Variants in TSGA10 observed in about 807,000 individuals in gnomAD.
The protein encoded by TSGA10 is testis specific 10.
A neutral mutation model predicts 96.6 loss-of-function variants in TSGA10; 43 were observed. The ratio of observed to expected loss-of-function variants is 0.44; its 90% CI spans 0.35 to 0.57. The LOEUF is 0.57. Ranked by LOEUF, TSGA10 falls within the 20% of genes least tolerant of loss-of-function variation. TSGA10 has a pLI of 0.01. For synonymous variants in TSGA10, 229 were observed against 269.9 expected, an observed-to-expected ratio of 0.85 and a Z score of 1.48; for missense variants, 703 against 834.4, an observed-to-expected ratio of 0.84 and a Z score of 1.94.
At position 99,108,909 on chromosome 2, in the gene TSGA10, C is replaced by A. The variant is rs762222595; in HGVS notation, c.134G>T (p.Arg45Leu). The A allele has an allele frequency of 2.5e-6, 4 of 1,607,410 alleles. No individual in the cohort carries two copies. In the East Asian group the frequency reaches 6.7e-5, roughly 27 times the overall value. Residue 45 changes from arginine to leucine, a missense_variant, in exon 7 of 21, where the codon CGC becomes CTC. Physicochemically the swap from Arg to Leu is moderately radical, Grantham distance 102. Transcript: ENST00000393483. Reference protein sequence around the residue: ...ELKCMLEKYERHLAEIQGNVK... With the variant: ...ELKCMLEKYELHLAEIQGNVK... Reference sequence around the variant, plus strand: ...ATTACCCTGAATTTCTGCCAAATGGCGCTCATATTTTTCCAGCATGCATTT... The same window carrying A: ...ATTACCCTGAATTTCTGCCAAATGGAGCTCATATTTTTCCAGCATGCATTT...
chr2:99,047,832 A>T (rs1183074034), intron 16 of TSGA10, among the ~76,000 whole-genome samples: 2 of 152,222 alleles, frequency 1.3e-5, no homozygotes, highest in East Asian at 3.9e-4. Context: ...CCATTGTCTC[A>T]GCCCAAAATC....
At chr2:99,141,239 T>C (rs1007596810) in intron 1 of TSGA10, 5 of 965,528 alleles carry the variant, frequency 5.2e-6, no homozygotes, top group South Asian at 3.6e-5. Context: ...CAAATCGTCC[T>C]GGCCCCGCCC....
At chr2:99,120,098 C>T (rs2092492458) in intron 2 of TSGA10, among the ~76,000 whole-genome samples, 1 of 152,014 alleles carries the variant, frequency 6.6e-6, no homozygotes, top group South Asian at 2.1e-4. Flanking sequence ...TTTCCCTGTC[C>T]CTTCTACTAG....
At chr2:99,124,373 C>T (rs1435512202) in intron 2 of TSGA10, among the ~76,000 whole-genome samples, 1 of 152,066 alleles carries the variant, frequency 6.6e-6, no homozygotes, top group African/African-American at 2.4e-5. Flanking sequence ...ATATTAAGCC[C>T]TTTTCAGATA....
rs535839016 is a variant in TSGA10, at chr2:99,154,942, C to T, written c.-870G>A. 1.6e-3 allele frequency: 722 copies of T among 452,240 alleles called. No individual in the cohort carries two copies. The highest frequency in any genetic ancestry group is 2.4e-3 in the Non-Finnish European group (537 of 224,526). The allele number at this position is 452,240 out of a possible 1,614,324, so 28.0% of individuals were successfully genotyped here. ...TCTTGCGCTTCAGGGGGCCGGCCCT[C>T]AGGGGGCGGGGCAGCATCGCGCGCA... is the stretch of plus-strand genomic sequence containing the variant. On this transcript the variant is annotated 5_prime_UTR_variant, in exon 1 of 21. Coordinates refer to ENST00000393483, the MANE Select transcript of TSGA10 (RefSeq NM_025244.4).
intron 2 of TSGA10, chr2:99,125,669 T>C (rs2092788074): frequency 6.6e-6 from 1 of 152,208 alleles, no homozygotes; most frequent in Non-Finnish European, 1.5e-5. Context: ...ATGCTCCAAC[T>C]AAAAAGAAGG....
At position 99,064,969 on chromosome 2, in the gene TSGA10, T is replaced by C. The variant is rs1354519575; in HGVS notation, c.1374A>G (p.Lys458=). 1 of 1,603,106 alleles carries C rather than the reference T, an allele frequency of 6.2e-7. No individual in the cohort carries two copies. Residue 458 remains lysine, a synonymous_variant, in exon 16 of 21, where the codon AAA becomes AAG. Coordinates refer to ENST00000393483, the MANE Select transcript of TSGA10 (RefSeq NM_025244.4). ...CAACCTCTCTGTTGAGGGAATCTACTTTTTCTTTTAATCTGTTACCCTCTG... is the reference window on the plus strand; with the variant it reads ...CAACCTCTCTGTTGAGGGAATCTACCTTTTCTTTTAATCTGTTACCCTCTG... ...AEAEGNRLKE[K]VDSLNREVEQ...
intron 16 of TSGA10, among the ~76,000 whole-genome samples, chr2:99,049,374 T>C (rs977360305): frequency 6.6e-6 from 1 of 152,152 alleles, no homozygotes; most frequent in African/African-American, 2.4e-5. Flanking sequence ...ATGTGGCACA[T>C]ATACGCTATG....
intron 1 of TSGA10, among the ~76,000 whole-genome samples, chr2:99,147,892 A>G (rs895674795): frequency 3.1e-4 from 47 of 152,220 alleles, no homozygotes; most frequent in African/African-American, 9.9e-4. Flanking sequence ...AAGAACAAGG[A>G]CATTGACTTA....
intron 2 of TSGA10, chr2:99,126,646 A>T (rs1010999024): frequency 1.2e-5 from 2 of 162,804 alleles, no homozygotes; most frequent in African/African-American, 4.8e-5. Flanking sequence ...AACAATACTG[A>T]ACTTGAAGTT....
At chr2:99,074,619 C>T (rs1348764361) in intron 12 of TSGA10, among the ~76,000 whole-genome samples, 1 of 152,038 alleles carries the variant, frequency 6.6e-6, no homozygotes, top group African/African-American at 2.4e-5. Context: ...TAATTTAATA[C>T]ATTTCTAAAC....
At chr2:99,076,206 T>C (rs1449558301) in intron 12 of TSGA10, among the ~76,000 whole-genome samples, 2 of 152,194 alleles carry the variant, frequency 1.3e-5, no homozygotes, top group African/African-American at 4.8e-5. Flanking sequence ...GAACTATCCA[T>C]GTGATTCTTA....
intron 16 of TSGA10, among the ~76,000 whole-genome samples, chr2:99,055,227 G>T (rs11123758): frequency 0.072 from 10,991 of 152,048 alleles, 792 homozygotes; most frequent in East Asian, 0.21. Flanking sequence ...GACCCTAGAG[G>T]TTCATTATGC....
At position 99,117,603 on chromosome 2, in the gene TSGA10, G is replaced by A. The variant is rs2092347128; in HGVS notation, c.-199C>T. 2 of 985,660 alleles carry A rather than the reference G, an allele frequency of 2.0e-6. No individual in the cohort carries two copies. The highest frequency in any genetic ancestry group is 1.2e-6 in the Non-Finnish European group (1 of 829,936). 61.1% of individuals were successfully genotyped at this position (985,660 alleles called of 1,614,324 possible). ...ACCACAAAATTTTTCTCTTTTTCGA[G>A]TTGCTCTGCTAGTTGGTCAATTTTA... On this transcript the variant is annotated 5_prime_UTR_variant, in exon 4 of 21. Transcript: ENST00000393483.
chr2:99,102,182 T>C (rs1256869222), intron 10 of TSGA10: 5 of 1,565,586 alleles, frequency 3.2e-6, no homozygotes. Context: ...AATATGAAGC[T>C]ATTCAGTTAA....
At chr2:99,140,554 CAATTT>C (rs1454157380) in intron 1 of TSGA10, among the ~76,000 whole-genome samples, 1 of 152,000 alleles carries the variant, frequency 6.6e-6, no homozygotes, top group African/African-American at 2.4e-5. Context: ...CCTAGTTATC[CAATTT>C]AAGTCTCAAA....
chr2:99,065,257 T>A, intron 15 of TSGA10, 133 bp from the exon 16 acceptor site: 1 of 932,058 alleles, frequency 1.1e-6, no homozygotes, highest in South Asian at 2.0e-5. Flanking sequence ...AATATATCTA[T>A]ACTCTTAGTT....
chr2:99,138,845 G>A (rs1189491669), intron 1 of TSGA10, among the ~76,000 whole-genome samples: 1 of 152,156 alleles, frequency 6.6e-6, no homozygotes, highest in East Asian at 1.9e-4. Context: ...AAGCCCTACA[G>A]TACAGAAACA....
intron 5 of TSGA10, 57 bp from the exon 6 acceptor site, chr2:99,109,569 G>A (rs2091636165): frequency 5.8e-6 from 8 of 1,370,502 alleles, no homozygotes; most frequent in Middle Eastern, 2.0e-4. Flanking sequence ...TGCCAAAGAG[G>A]AAAAAATTAG....
Sources: allele counts gnomAD v4.1 joint callset (sites outside exome capture counted in the v4.1 genomes callset), GRCh38; gene constraint gnomAD v4.1.1; transcripts MANE v1.5; gene names NCBI Gene and HGNC (gene_info 2026-07-23, HGNC 2026-07-21).